The following WLS variants were observed in gnomAD, a reference collection of about 807,000 sequenced individuals.
The protein encoded by WLS is protein wntless homolog.
WLS carries 23 observed loss-of-function variants against 62.8 expected under a neutral mutation model. The ratio of observed to expected loss-of-function variants is 0.37; its 90% CI spans 0.26 to 0.52. The LOEUF (loss-of-function observed/expected upper bound fraction) is 0.52, where lower values mean the gene tolerates loss of function less well. WLS is among the 20% of genes least tolerant of loss of function. WLS has a pLI of 0.92. For missense variants in WLS, 615 were observed against 697.3 expected, an observed-to-expected ratio of 0.88 and a Z score of 1.33; for synonymous variants, 246 against 244.1, an observed-to-expected ratio of 1.01 and a Z score of -0.07.
Position 68,131,765 on chromosome 1 carries a change from T to G in WLS, c.1517-5430A>C, listed in dbSNP as rs190956144. On this transcript the variant is annotated intron_variant, in intron 11 of 11. Transcript: ENST00000262348. ...GTGACTGTGTTTAGAGATAGGGCCT[T>G]CTTAAAGAAGTAATTAAGTTAACAA... Among the ~76,000 whole-genome samples the G allele has an allele frequency of 3.2e-4, 49 of 152,302 alleles. 1 individual carries two copies. Among genetic ancestry groups the G allele is most frequent in the African/African-American group, 1.2e-3 (48 of 41,570 alleles).
chr1:68,100,893 A>C (rs7526959), intron 11 of WLS: 16,408 of 152,234 alleles, frequency 0.11, 1,091 homozygotes, highest in African/African-American at 0.17. Flanking sequence ...GCCCACCATG[A>C]ACATGGGACA....
chr1:68,118,875 C>CAAAAAAAAA (rs33982774), intron 11 of WLS, among the ~76,000 whole-genome samples: 533 of 26,390 alleles, frequency 0.02, 125 homozygotes, highest in Non-Finnish European at 0.027. Flanking sequence ...GACTCTGTCT[C>CAAAAAAAAA]AAAAAAAAAA....
chr1:68,123,056 C>T (rs1464146541), downstream of WLS, among the ~76,000 whole-genome samples: 1 of 152,180 alleles, frequency 6.6e-6, no homozygotes, highest in Non-Finnish European at 1.5e-5. Flanking sequence ...ATGGCTGGAT[C>T]TCACCCTTCA....
rs569254033 is a variant in WLS, at chr1:68,181,413, C to G, written c.379+12542G>C. ...CCTCATTTATATTCTAAACTCAGAGCAGGAAATGAGACACGTGGGTGATCT... is the reference window on the plus strand; with the variant it reads ...CCTCATTTATATTCTAAACTCAGAGGAGGAAATGAGACACGTGGGTGATCT... On this transcript the variant is annotated intron_variant, in intron 2 of 11. Transcript: ENST00000262348. Among the ~76,000 whole-genome samples the G allele has an allele frequency of 2.0e-5, 3 of 152,250 alleles. No homozygotes were observed. In the East Asian group the frequency reaches 5.8e-4, roughly 29 times the overall value.
intron 11 of WLS, among the ~76,000 whole-genome samples, chr1:68,099,517 C>T (rs1316748869): frequency 6.6e-6 from 1 of 152,134 alleles, no homozygotes; most frequent in Non-Finnish European, 1.5e-5. Context: ...GCTGTAGGAC[C>T]TTTGTGGATG....
intron 11 of WLS, among the ~76,000 whole-genome samples, chr1:68,115,866 C>A (rs1570812976): frequency 6.6e-6 from 1 of 152,042 alleles, no homozygotes; most frequent in Non-Finnish European, 1.5e-5. Flanking sequence ...CTAAGCAATT[C>A]CAAGGACCCC....
rs1650467662 is a variant in WLS, at chr1:68,232,313, C to CT, written c.-15dup. On this transcript the variant is annotated 5_prime_UTR_variant, in exon 1 of 12. Transcript: ENST00000262348. ...TGCCCCAGCCATTTTTGCGCCCCCC[C>CT]TTTTTCTTTTCTCCTTGAAATAAAT... 6.2e-7 allele frequency: 1 copy of CT among 1,613,112 alleles called. No individual in the cohort carries two copies. Among genetic ancestry groups the CT allele is most frequent in the Admixed American group, 1.7e-5 (1 of 59,896 alleles).
chr1:68,135,512 G>C (rs1301083153), intron 11 of WLS, among the ~76,000 whole-genome samples: 1 of 152,034 alleles, frequency 6.6e-6, no homozygotes, highest in Non-Finnish European at 1.5e-5. Flanking sequence ...GGGAGCAGTG[G>C]TGCACAGAGG....
intron 1 of WLS, among the ~76,000 whole-genome samples, chr1:68,208,389 T>A (rs994327635): frequency 2.0e-5 from 3 of 152,122 alleles, no homozygotes; most frequent in African/African-American, 7.2e-5. Flanking sequence ...GCTAGATGGA[T>A]TCTTTGAGTT....
chr1:68,155,265 A>T lies in WLS; in HGVS notation c.505-5T>A. The T allele has an allele frequency of 6.2e-7, 1 of 1,608,466 alleles. No individual in the cohort carries two copies. Among genetic ancestry groups the T allele is most frequent in the South Asian group, 1.1e-5 (1 of 90,104 alleles). On this transcript the variant is annotated splice_region_variant and splice_polypyrimidine_tract_variant and intron_variant, in intron 3 of 11. Transcript: ENST00000262348. The stretch of plus-strand genomic sequence containing the variant: ...ACGGCCCTCATGCTCTGGAGTCTGG[A>T]AAAAGAGCAGAGGGTTTGAGGCAGG...
intron 11 of WLS, among the ~76,000 whole-genome samples, chr1:68,133,092 A>AATAT (rs1228392800): frequency 6.6e-6 from 1 of 152,204 alleles, no homozygotes; most frequent in Non-Finnish European, 1.5e-5. Context: ...CAGGGCAGAA[A>AATAT]ATATAAGTGT....
At chr1:68,173,305 G>A (rs992178634) in intron 2 of WLS, among the ~76,000 whole-genome samples, 1 of 152,102 alleles carries the variant, frequency 6.6e-6, no homozygotes, top group Admixed American at 6.5e-5. Context: ...GAAAGCAAGT[G>A]AGGAAAACAC....
intron 10 of WLS, chr1:68,138,595 T>C (rs1321054522): frequency 6.6e-6 from 1 of 152,216 alleles, no homozygotes. Context: ...ATTATGAAGC[T>C]TTCATATGCT....
intron 11 of WLS, among the ~76,000 whole-genome samples, chr1:68,105,897 C>T (rs1402613972): frequency 6.6e-6 from 1 of 151,992 alleles, no homozygotes; most frequent in Non-Finnish European, 1.5e-5. Flanking sequence ...ATGCCCCGGG[C>T]TCCAAAAAGA....
At chr1:68,114,673 C>A (rs1646268362) in intron 11 of WLS, among the ~76,000 whole-genome samples, 1 of 152,192 alleles carries the variant, frequency 6.6e-6, no homozygotes, top group Non-Finnish European at 1.5e-5. Context: ...ATGGAGTGAC[C>A]ACTGGTCCCC....
chr1:68,211,755 C>T (rs1039927596), intron 1 of WLS, among the ~76,000 whole-genome samples: 1 of 152,190 alleles, frequency 6.6e-6, no homozygotes, highest in Non-Finnish European at 1.5e-5. Flanking sequence ...ACAAATCTGC[C>T]ACCATGTGGA....
intron 2 of WLS, among the ~76,000 whole-genome samples, chr1:68,172,628 A>T (rs1647171687): frequency 6.6e-6 from 1 of 152,202 alleles, no homozygotes; most frequent in Non-Finnish European, 1.5e-5. Flanking sequence ...CAAAAAGATC[A>T]AGAGTTCTGA....
intron 1 of WLS, among the ~76,000 whole-genome samples, chr1:68,213,260 G>A (rs900393927): frequency 6.6e-6 from 1 of 151,974 alleles, no homozygotes; most frequent in Non-Finnish European, 1.5e-5. Flanking sequence ...AGACCAGCCT[G>A]GTCAACATGG....
chr1:68,119,950 T>G (rs2100355311), intron 11 of WLS, among the ~76,000 whole-genome samples: 1 of 152,216 alleles, frequency 6.6e-6, no homozygotes, highest in South Asian at 2.1e-4. Flanking sequence ...GGCCAAGGGG[T>G]TTCTGGATAC....
Sources: gnomAD v4.1 joint callset for allele counts (sites outside exome capture counted in the v4.1 genomes callset) on GRCh38, gnomAD v4.1.1 for gene constraint, MANE v1.5 for transcripts, NCBI Gene and HGNC (gene_info 2026-07-23, HGNC 2026-07-21) for gene names.